FSTL5: variants seen among roughly 807,000 people sequenced by gnomAD.
FSTL5 encodes follistatin-related protein 5.
FSTL5 carries 62 observed loss-of-function variants against 89.1 expected under a neutral mutation model. The observed-to-expected ratio is 0.70, with a 90% CI of 0.57 to 0.86. The LOEUF (loss-of-function observed/expected upper bound fraction) is 0.86, where lower values mean the gene tolerates loss of function less well. FSTL5 is among the 40% of genes least tolerant of loss of function. The pLI, the probability that FSTL5 is intolerant of heterozygous loss-of-function variation, is 0.00. For missense variants in FSTL5, 1,057 were observed against 1,001.6 expected (o/e 1.06, Z -0.75); for synonymous variants, 383 against 346.2 (o/e 1.11, Z -1.18).
intron 3 of FSTL5, among the ~76,000 whole-genome samples, chr4:161,980,169 A>G (rs80132437): frequency 8.7e-5 from 13 of 150,036 alleles, no homozygotes; most frequent in Non-Finnish European, 1.3e-4. Flanking sequence ...GAAAGAAAGA[A>G]AAAGAAAGAG....
intron 4 of FSTL5, among the ~76,000 whole-genome samples, chr4:161,867,642 A>T (rs1473195109): frequency 6.6e-6 from 1 of 151,704 alleles, no homozygotes; most frequent in African/African-American, 2.4e-5. Flanking sequence ...AGTAATGTCC[A>T]TTATGGAAGA....
intron 15 of FSTL5, among the ~76,000 whole-genome samples, chr4:161,396,892 T>C (rs970702940): frequency 6.6e-6 from 1 of 152,092 alleles, no homozygotes; most frequent in African/African-American, 2.4e-5. Flanking sequence ...GATAAACTAA[T>C]AAAAGAAGGA....
At chr4:161,754,856 A>G (rs1315098019) in intron 6 of FSTL5, among the ~76,000 whole-genome samples, 3 of 152,140 alleles carry the variant, frequency 2.0e-5, no homozygotes, top group Non-Finnish European at 4.4e-5. Flanking sequence ...TTCCATGCAA[A>G]TCATACTTAA....
intron 7 of FSTL5, among the ~76,000 whole-genome samples, chr4:161,643,424 T>A (rs1049197551): frequency 6.6e-6 from 1 of 152,176 alleles, no homozygotes; most frequent in African/African-American, 2.4e-5. Context: ...TTCCATAGTG[T>A]ATATGTTTCT....
At chr4:161,434,395 C>A (rs1732484923) in intron 15 of FSTL5, among the ~76,000 whole-genome samples, 1 of 152,006 alleles carries the variant, frequency 6.6e-6, no homozygotes, top group Non-Finnish European at 1.5e-5. Flanking sequence ...TTGCCATACA[C>A]AAAAATCAAA....
At chr4:161,689,439 C>T (rs1237942281) in intron 6 of FSTL5, among the ~76,000 whole-genome samples, 6 of 152,050 alleles carry the variant, frequency 3.9e-5, no homozygotes, top group African/African-American at 1.2e-4. Context: ...ACTTTATAGA[C>T]AATATAAAAA....
At chr4:161,546,152 C>T (rs1010509632) in intron 8 of FSTL5, among the ~76,000 whole-genome samples, 3 of 149,990 alleles carry the variant, frequency 2.0e-5, no homozygotes, top group Non-Finnish European at 4.4e-5. Context: ...AGAAGAAAGG[C>T]GATAATAGAA....
chr4:162,049,129 A>G (rs532570343), intron 2 of FSTL5, among the ~76,000 whole-genome samples: 1 of 152,316 alleles, frequency 6.6e-6, no homozygotes, highest in South Asian at 2.1e-4. Context: ...AAGTAAAGAG[A>G]TTATCACAAA....
At chr4:161,864,934 T>C (rs895711541) in intron 4 of FSTL5, among the ~76,000 whole-genome samples, 1 of 151,528 alleles carries the variant, frequency 6.6e-6, no homozygotes, top group Non-Finnish European at 1.5e-5. Context: ...GACTGTATTA[T>C]GTTTATAATG....
intron 6 of FSTL5, among the ~76,000 whole-genome samples, chr4:161,724,682 C>T (rs1739331081): frequency 6.6e-6 from 1 of 152,150 alleles, no homozygotes; most frequent in Admixed American, 6.5e-5. Flanking sequence ...ATATCAATCA[C>T]ATGTCCTAGC....
chr4:161,707,999 G>A (rs1034962041), intron 6 of FSTL5, among the ~76,000 whole-genome samples: 1 of 151,596 alleles, frequency 6.6e-6, no homozygotes, highest in African/African-American at 2.4e-5. Context: ...TTGAATGACT[G>A]CCCACAAAGT....
chr4:161,592,897 A>G (rs536072526), intron 7 of FSTL5, among the ~76,000 whole-genome samples: 4 of 152,304 alleles, frequency 2.6e-5, no homozygotes, highest in Admixed American at 2.6e-4. Flanking sequence ...CAACACTGTA[A>G]AAGCATTCCT....
intron 3 of FSTL5, among the ~76,000 whole-genome samples, chr4:162,024,688 G>A (rs1200704178): frequency 6.6e-6 from 1 of 151,888 alleles, no homozygotes; most frequent in Non-Finnish European, 1.5e-5. Flanking sequence ...TAGAGACAGG[G>A]TCACATTCTA....
At chr4:162,104,707 A>G (rs1731145908) in intron 2 of FSTL5, among the ~76,000 whole-genome samples, 1 of 152,132 alleles carries the variant, frequency 6.6e-6, no homozygotes, top group Non-Finnish European at 1.5e-5. Flanking sequence ...TTTGTCTTTG[A>G]CCCAGGAGTC....
At chr4:161,948,146 A>T (rs1292280359) in intron 3 of FSTL5, among the ~76,000 whole-genome samples, 2 of 151,678 alleles carry the variant, frequency 1.3e-5, no homozygotes, top group African/African-American at 4.8e-5. Context: ...TGCTGGGTGT[A>T]GTTGTGTGCA....
intron 13 of FSTL5, among the ~76,000 whole-genome samples, chr4:161,476,501 T>C (rs1481532122): frequency 1.3e-5 from 2 of 152,138 alleles, no homozygotes; most frequent in Non-Finnish European, 2.9e-5. Flanking sequence ...CACTGCTGTT[T>C]TTTTAATTGC....
chr4:161,908,397 C>A lies in FSTL5; in HGVS notation c.409+12007G>T, dbSNP rs1051032587. On this transcript the variant is annotated intron_variant, in intron 4 of 15. Coordinates refer to ENST00000306100, the MANE Select transcript of FSTL5 (RefSeq NM_020116.5). Reference sequence around the variant, plus strand: ...CATTACATGAATTACTACCTAAAATCTTTTTGACAAGCATGTAGCACTTTG... The same window carrying A: ...CATTACATGAATTACTACCTAAAATATTTTTGACAAGCATGTAGCACTTTG... Among the ~76,000 whole-genome samples, 5 of 152,108 alleles carry A rather than the reference C, an allele frequency of 3.3e-5. No homozygotes were observed. The South Asian group carries it at 6.2e-4, about 19-fold the overall frequency.
chr4:161,399,668 T>C (rs990875102), intron 15 of FSTL5, among the ~76,000 whole-genome samples: 2 of 152,130 alleles, frequency 1.3e-5, no homozygotes, highest in African/African-American at 2.4e-5. Flanking sequence ...TGGCATTGCA[T>C]TGAACATGGT....
chr4:161,879,189 T>C (rs549997259), intron 4 of FSTL5, among the ~76,000 whole-genome samples: 5 of 152,306 alleles, frequency 3.3e-5, no homozygotes, highest in African/African-American at 1.2e-4. Flanking sequence ...ATTAGACCTG[T>C]AGCAAATCCT....
Sources: gnomAD v4.1 joint callset for allele counts (sites outside exome capture counted in the v4.1 genomes callset) on GRCh38, gnomAD v4.1.1 for gene constraint, MANE v1.5 for transcripts, NCBI Gene and HGNC (gene_info 2026-07-23, HGNC 2026-07-21) for gene names.